TRPC6: variants seen among roughly 807,000 people sequenced by gnomAD.
The protein encoded by TRPC6 is short transient receptor potential channel 6.
TRPC6 carries 55 observed loss-of-function variants against 90.7 expected under a neutral mutation model. The ratio of observed to expected loss-of-function variants is 0.61; its 90% CI spans 0.49 to 0.76. The LOEUF is 0.76. Among genes scored for constraint, TRPC6 ranks in the 30% least tolerant of loss-of-function variants. The pLI is 0.00. For missense variants in TRPC6, 989 were observed against 1,122.7 expected (o/e 0.88, Z 1.70); for synonymous variants, 393 against 393.0 (o/e 1.00, Z 0.00).
chr11:101,525,807 T>A (rs1464943607), intron 1 of TRPC6, among the ~76,000 whole-genome samples: 1 of 152,142 alleles, frequency 6.6e-6, no homozygotes, highest in Non-Finnish European at 1.5e-5. Context: ...TTCTAAATCA[T>A]ATTTGAAGTT....
At chr11:101,521,474 G>A (rs1466431285) in intron 1 of TRPC6, among the ~76,000 whole-genome samples, 3 of 152,250 alleles carry the variant, frequency 2.0e-5, no homozygotes, top group African/African-American at 7.2e-5. Flanking sequence ...GAAGTCTACT[G>A]CAGGGGCTGC....
rs1331724600 is a variant in TRPC6, at chr11:101,452,882, TAAG to T, written c.*70_*72del. On this transcript the variant is annotated 3_prime_UTR_variant, in exon 13 of 13. Coordinates refer to ENST00000344327, the MANE Select transcript of TRPC6 (RefSeq NM_004621.6). ...TTTAAAAGGTGGGCCCATTGGCACT[TAAG>T]AAAATAAATCAGAAAATAATATGGC... 2.9e-5 allele frequency: 46 copies of T among 1,585,494 alleles called. No individual in the cohort carries two copies. The Admixed American group carries it at 7.2e-4, about 25-fold the overall frequency.
intron 12 of TRPC6, 112 bp from the exon 13 acceptor site, chr11:101,453,218 A>T: frequency 9.0e-6 from 10 of 1,108,950 alleles, no homozygotes; most frequent in Non-Finnish European, 1.3e-5. Context: ...TTTATTTTGA[A>T]TCCTTTGAAA....
intron 1 of TRPC6, among the ~76,000 whole-genome samples, chr11:101,561,371 A>C (rs12799086): frequency 0.033 from 5,097 of 152,236 alleles, 172 homozygotes; most frequent in African/African-American, 0.085. Context: ...TACATAAAGT[A>C]AGTCATTCAT....
intron 1 of TRPC6, among the ~76,000 whole-genome samples, chr11:101,577,512 A>T (rs1177263330): frequency 3.9e-5 from 6 of 152,328 alleles, no homozygotes; most frequent in Non-Finnish European, 7.3e-5. Flanking sequence ...GGAGAATTTT[A>T]AAAAGAAATA....
chr11:101,557,222 G>A (rs558292189), intron 1 of TRPC6, among the ~76,000 whole-genome samples: 1 of 152,098 alleles, frequency 6.6e-6, no homozygotes, highest in African/African-American at 2.4e-5. Context: ...AGGCATGGTG[G>A]CACATGCCTG....
At chr11:101,567,890 G>A (rs10791505) in intron 1 of TRPC6, among the ~76,000 whole-genome samples, 15,737 of 152,204 alleles carry the variant, frequency 0.1, 1,425 homozygotes, top group East Asian at 0.47. Context: ...ACAAAAGGTA[G>A]ATAAATCCAC....
chr11:101,485,409 A>C (rs377649763), intron 4 of TRPC6, among the ~76,000 whole-genome samples: 1 of 152,120 alleles, frequency 6.6e-6, no homozygotes, highest in East Asian at 1.9e-4. Context: ...TTAAATATAA[A>C]TAGTTAAAAA....
chr11:101,495,968 G>T (rs1277282213), intron 2 of TRPC6, among the ~76,000 whole-genome samples: 1 of 152,070 alleles, frequency 6.6e-6, no homozygotes, highest in Non-Finnish European at 1.5e-5. Context: ...AGGTTTAATT[G>T]GCTCATGGTT....
intron 10 of TRPC6, among the ~76,000 whole-genome samples, chr11:101,465,406 C>T (rs755656637): frequency 5.3e-5 from 8 of 152,188 alleles, no homozygotes; most frequent in African/African-American, 9.7e-5. Context: ...CCATTCTCCC[C>T]GTCACCTTCT....
At chr11:101,476,198 C>T (rs1859413200) in intron 6 of TRPC6, 103 bp downstream of exon 6, 5 of 972,218 alleles carry the variant, frequency 5.1e-6, no homozygotes, top group Non-Finnish European at 7.9e-6. Context: ...TGGAAACTCA[C>T]AAACAATTTT....
At position 101,473,860 on chromosome 11, in the gene TRPC6, T is replaced by TATG. The variant is rs1466204906; in HGVS notation, c.1745-90_1745-88dup. On this transcript the variant is annotated intron_variant, in intron 6 of 12. Transcript: ENST00000344327. ...TCTTTTTCTGCGAAAGAAATATAGTTATGTTAGAATCCGGTTTTCGAATGG... is the reference window on the plus strand; with the variant it reads ...TCTTTTTCTGCGAAAGAAATATAGTTATGATGTTAGAATCCGGTTTTCGAATGG... 6 of 1,583,994 alleles carry TATG rather than the reference T, an allele frequency of 3.8e-6. No individual in the cohort carries two copies. In the African/African-American group the frequency reaches 8.1e-5, roughly 21 times the overall value.
At position 101,516,174 on chromosome 11, in the gene TRPC6, A is replaced by G. The variant is rs186131357; in HGVS notation, c.171-11376T>C. Among the ~76,000 whole-genome samples, 42 of 151,942 alleles carry G rather than the reference A, an allele frequency of 2.8e-4. No individual in the cohort carries two copies. In the East Asian group the frequency reaches 7.3e-3, roughly 27 times the overall value. On this transcript the variant is annotated intron_variant, in intron 1 of 12. Coordinates refer to ENST00000344327, the MANE Select transcript of TRPC6 (RefSeq NM_004621.6). ...AAACTGTGAAAATTTGTGGATTTCAACAATACCTAGGATTAGTTATGAACT... is the reference window on the plus strand; with the variant it reads ...AAACTGTGAAAATTTGTGGATTTCAGCAATACCTAGGATTAGTTATGAACT...
chr11:101,548,280 A>ATATATATATATATATATATATATAATT (rs71303295), intron 1 of TRPC6, among the ~76,000 whole-genome samples: 2 of 135,510 alleles, frequency 1.5e-5, no homozygotes, highest in Admixed American at 7.9e-5. Context: ...TATAATTTAT[A>ATATATATATATATATATATATATAATT]TATATAATTA....
intron 1 of TRPC6, among the ~76,000 whole-genome samples, chr11:101,522,594 T>G (rs981942263): frequency 2.0e-5 from 3 of 152,194 alleles, no homozygotes; most frequent in African/African-American, 7.2e-5. Context: ...TACATTCCCT[T>G]CTTTATTTTT....
intron 1 of TRPC6, among the ~76,000 whole-genome samples, chr11:101,523,935 T>C (rs556473531): frequency 1.3e-3 from 199 of 152,308 alleles, no homozygotes; most frequent in Non-Finnish European, 2.3e-3. Context: ...TATTGTCCCC[T>C]GTTATTCCTC....
chr11:101,523,260 C>T (rs1483070292), intron 1 of TRPC6, among the ~76,000 whole-genome samples: 1 of 152,166 alleles, frequency 6.6e-6, no homozygotes, highest in Non-Finnish European at 1.5e-5. Context: ...TGTCCCAAAA[C>T]AGGTCAGAGT....
intron 10 of TRPC6, among the ~76,000 whole-genome samples, chr11:101,462,551 T>G (rs533016036): frequency 6.5e-4 from 99 of 152,274 alleles, no homozygotes; most frequent in African/African-American, 2.3e-3. Context: ...CATTCCTAGG[T>G]ATTTTATTCT....
intron 3 of TRPC6, among the ~76,000 whole-genome samples, chr11:101,489,663 G>A (rs749899566): frequency 6.6e-6 from 1 of 150,904 alleles, no homozygotes; most frequent in Non-Finnish European, 1.5e-5. Flanking sequence ...GAATCTTTAA[G>A]TTTTCATGTA....
Sources: gnomAD v4.1 joint callset for allele counts (sites outside exome capture counted in the v4.1 genomes callset) on GRCh38, gnomAD v4.1.1 for gene constraint, MANE v1.5 for transcripts, NCBI Gene and HGNC (gene_info 2026-07-23, HGNC 2026-07-21) for gene names.